The following MANSC4 variants were observed in gnomAD, a reference collection of about 807,000 sequenced individuals.
MANSC4 encodes the protein MANSC domain-containing protein 4.
MANSC4 carries 11 observed loss-of-function variants against 11.4 expected under a neutral mutation model. The observed-to-expected ratio is 0.97, with a 90% CI of 0.61 to 1.60. The LOEUF (loss-of-function observed/expected upper bound fraction) is 1.60, where lower values mean the gene tolerates loss of function less well. Ranked by LOEUF, MANSC4 falls within the 40% of genes most tolerant of loss-of-function variation. The pLI is 0.00. For synonymous variants in MANSC4, 123 were observed against 147.1 expected, an observed-to-expected ratio of 0.84 and a Z score of 1.19; for missense variants, 354 against 404.6, an observed-to-expected ratio of 0.88 and a Z score of 1.07.
intron 1 of MANSC4, among the ~76,000 whole-genome samples, chr12:27,772,075 A>AC (rs1336167681): frequency 1.3e-5 from 2 of 150,782 alleles, no homozygotes; most frequent in Non-Finnish European, 1.5e-5. Flanking sequence ...AAACAAACAA[A>AC]AAACACTAGG....
At chr12:27,767,562 G>A (rs147761351) in intron 2 of MANSC4, among the ~76,000 whole-genome samples, 41 of 152,220 alleles carry the variant, frequency 2.7e-4, no homozygotes, top group African/African-American at 9.4e-4. Context: ...AATTAGCCAG[G>A]CGTGGTGGCG....
Position 27,763,359 on chromosome 12 carries a change from G to T in MANSC4, c.402C>A (p.Pro134=). ...DPDLLVFEQS[P]TYLNTRSSSN... is the part of the protein sequence containing the mutation. ...ATGAAGAACGAGTATTTAGATATGTGGGAGATTGTTCAAAAACCAGCAAAT... is the reference window on the plus strand; with the variant it reads ...ATGAAGAACGAGTATTTAGATATGTTGGAGATTGTTCAAAAACCAGCAAAT... The change falls in exon 4 of 4, where the codon CCC becomes CCA. Residue 134 remains proline, a synonymous_variant. Transcript: ENST00000381273. 6.5e-7 allele frequency: 1 copy of T among 1,549,870 alleles called. No homozygotes were observed. Among genetic ancestry groups the T allele is most frequent in the South Asian group, 1.2e-5 (1 of 83,610 alleles).
chr12:27,765,243 T>G (rs2062067303), intron 3 of MANSC4, among the ~76,000 whole-genome samples: 1 of 152,236 alleles, frequency 6.6e-6, no homozygotes, highest in Non-Finnish European at 1.5e-5. Context: ...CTTCTCTTCA[T>G]TTCAACTACA....
chr12:27,775,595 G>C (rs1203990472), intron 1 of MANSC4, among the ~76,000 whole-genome samples: 1 of 151,968 alleles, frequency 6.6e-6, no homozygotes, highest in Non-Finnish European at 1.5e-5. Flanking sequence ...TAGAGACAAG[G>C]TCTCACTATG....
In MANSC4 at chr12:27,763,094, A is replaced by G. The variant is rs2062055109; in HGVS notation, c.667T>C (p.Phe223Leu). 1.9e-6 allele frequency: 3 copies of G among 1,551,722 alleles called. No homozygotes were observed. The highest frequency in any genetic ancestry group is 2.7e-5 in the African/African-American group (2 of 73,184). The stretch of plus-strand genomic sequence containing the variant: ...GTCTTATTATCTGGATTGCTGATGA[A>G]ATCAGTACTTGGTGACACCTTATTT... ...KINKVSPSTDFISNPDNKTIS... is the reference protein window; with the variant it reads ...KINKVSPSTDLISNPDNKTIS... Residue 223 changes from phenylalanine to leucine, a missense_variant, in exon 4 of 4, where the codon TTC becomes CTC. Coordinates refer to ENST00000381273, the MANE Select transcript of MANSC4 (RefSeq NM_001146221.5).
At chr12:27,770,005 A>G (rs2140801170) in intron 2 of MANSC4, among the ~76,000 whole-genome samples, 1 of 152,360 alleles carries the variant, frequency 6.6e-6, no homozygotes, top group Admixed American at 6.5e-5. Flanking sequence ...CGCAGATTCC[A>G]TGTGACAGAC....
intron 1 of MANSC4, among the ~76,000 whole-genome samples, chr12:27,772,055 CCAAACAAA>C (rs34255239): frequency 6.6e-6 from 1 of 151,848 alleles, no homozygotes; most frequent in South Asian, 2.1e-4. Context: ...AAAAATCAAA[CCAAACAAA>C]CAAACAAACA....
In MANSC4 at chr12:27,763,094, A is replaced by C. The variant is rs2062055109; in HGVS notation, c.667T>G (p.Phe223Val). 1.3e-6 allele frequency: 2 copies of C among 1,551,722 alleles called. No homozygotes were observed. The highest frequency in any genetic ancestry group is 1.7e-6 in the Non-Finnish European group (2 of 1,147,000). ...GTCTTATTATCTGGATTGCTGATGAAATCAGTACTTGGTGACACCTTATTT... is the reference window on the plus strand; with the variant it reads ...GTCTTATTATCTGGATTGCTGATGACATCAGTACTTGGTGACACCTTATTT... The part of the protein sequence containing the change: ...KINKVSPSTD[F>V]ISNPDNKTIS... The change falls in exon 4 of 4, where the codon TTC becomes GTC. Residue 223 changes from phenylalanine to valine, a missense_variant. By Grantham distance (50) the Phe-to-Val change is conservative. Transcript: ENST00000381273.
At chr12:27,764,302 C>T (rs570448560) in intron 3 of MANSC4, among the ~76,000 whole-genome samples, 6 of 152,160 alleles carry the variant, frequency 3.9e-5, no homozygotes, top group East Asian at 1.9e-4. Context: ...TTTCTCTCTG[C>T]GCAAACATGC....
intron 2 of MANSC4, among the ~76,000 whole-genome samples, chr12:27,769,196 G>A (rs1591809605): frequency 6.6e-6 from 1 of 152,222 alleles, no homozygotes; most frequent in East Asian, 1.9e-4. Context: ...TGAGAACTGT[G>A]CTGTAAAGTT....
At chr12:27,778,365 A>G (rs550097594) in intron 1 of MANSC4, among the ~76,000 whole-genome samples, 26 of 152,252 alleles carry the variant, frequency 1.7e-4, no homozygotes, top group African/African-American at 6.3e-4. Context: ...AGAACCACAA[A>G]TGTAACCAAA....
intron 2 of MANSC4, among the ~76,000 whole-genome samples, chr12:27,768,449 A>T (rs2062084361): frequency 6.7e-6 from 1 of 149,746 alleles, no homozygotes; most frequent in Non-Finnish European, 1.5e-5. Context: ...AAGAAAAAGA[A>T]AATAGTTCTC....
chr12:27,779,823 G>A (rs2062135583), intron 1 of MANSC4: 1 of 151,918 alleles, frequency 6.6e-6, no homozygotes, highest in African/African-American at 2.4e-5. Context: ...AACAAGCGGC[G>A]GAGCCGGCGC....
At chr12:27,769,971 C>A (rs945268126) in intron 2 of MANSC4, among the ~76,000 whole-genome samples, 20 of 152,122 alleles carry the variant, frequency 1.3e-4, no homozygotes, top group African/African-American at 4.8e-4. Context: ...AGGTCTTGAT[C>A]ATATTATATG....
At chr12:27,766,159 C>T (rs1415845718) in intron 3 of MANSC4, among the ~76,000 whole-genome samples, 1 of 152,056 alleles carries the variant, frequency 6.6e-6, no homozygotes, top group East Asian at 1.9e-4. Flanking sequence ...TCTCCGCCTC[C>T]CAGGTTCAAG....
intron 2 of MANSC4, among the ~76,000 whole-genome samples, chr12:27,769,544 A>T (rs2062091031): frequency 6.6e-6 from 1 of 152,230 alleles, no homozygotes; most frequent in Non-Finnish European, 1.5e-5. Flanking sequence ...TGCTACGGGA[A>T]AATTCAAGAA....
intron 3 of MANSC4, among the ~76,000 whole-genome samples, chr12:27,764,522 A>G (rs754734963): frequency 7.9e-5 from 12 of 152,050 alleles, no homozygotes; most frequent in Non-Finnish European, 1.8e-4. Context: ...CTCTTGTACA[A>G]TCTCACTGGT....
In MANSC4 at chr12:27,766,536, C is replaced by A. The variant is rs148554186; in HGVS notation, c.364+129G>T. 5 of 1,093,416 alleles carry A rather than the reference C, an allele frequency of 4.6e-6. No individual in the cohort carries two copies. The African/African-American group carries it at 8.0e-5, about 17-fold the overall frequency. The allele number at this position is 1,093,416 out of a possible 1,614,324, so 67.7% of individuals were successfully genotyped here. A position where few individuals can be genotyped will look rare whatever the true frequency, so the allele number is the denominator to read the frequency against. ...TCTGTCCTAGATATCCAAAATTTTT[C>A]CCAAGTTCACTGGAAAATAATTATT... On this transcript the variant is annotated intron_variant, in intron 3 of 3. Transcript: ENST00000381273.
chr12:27,763,124 T>G lies in MANSC4; in HGVS notation c.637A>C (p.Lys213Gln), dbSNP rs191703255. 3.7e-5 allele frequency: 57 copies of G among 1,551,738 alleles called. No homozygotes were observed. The African/African-American group carries it at 7.4e-4, about 20-fold the overall frequency. ...FTSLNESITT[K>Q]INKVSPSTDF... ...GTACTTGGTGACACCTTATTTATCTTTGTGGTAATGGACTCATTCAGGGAA... is the reference window on the plus strand; with the variant it reads ...GTACTTGGTGACACCTTATTTATCTGTGTGGTAATGGACTCATTCAGGGAA... Residue 213 changes from lysine to glutamine, a missense_variant, in exon 4 of 4, where the codon AAG (lysine) becomes CAG (glutamine). Physicochemically the swap from Lys to Gln is moderately conservative, Grantham distance 53. Coordinates refer to ENST00000381273, the MANE Select transcript of MANSC4 (RefSeq NM_001146221.5).
Sources: allele counts gnomAD v4.1 joint callset (sites outside exome capture counted in the v4.1 genomes callset), GRCh38; gene constraint gnomAD v4.1.1; transcripts MANE v1.5; gene names NCBI Gene and HGNC (gene_info 2026-07-23, HGNC 2026-07-21).